The following HMCN1 variants were observed in gnomAD, a reference collection of about 807,000 sequenced individuals.
HMCN1 encodes hemicentin 1.
HMCN1 carries 321 observed loss-of-function variants against 625.9 expected under a neutral mutation model. The ratio of observed to expected loss-of-function variants is 0.51; its 90% confidence interval spans 0.47 to 0.56. HMCN1 has a LOEUF of 0.56. Among genes scored for constraint, HMCN1 ranks in the 20% least tolerant of loss-of-function variants. The pLI is 0.00. For synonymous variants in HMCN1, 2,425 were observed against 2,417.6 expected, an observed-to-expected ratio of 1.00 and a Z score of -0.09; for missense variants, 6,588 against 6,887.3, an observed-to-expected ratio of 0.96 and a Z score of 1.54.
intron 48 of HMCN1, among the ~76,000 whole-genome samples, chr1:186,064,062 C>G (rs1657951596): frequency 6.6e-6 from 1 of 152,022 alleles, no homozygotes; most frequent in Non-Finnish European, 1.5e-5. Context: ...GGGAATGTTT[C>G]TATTTTAAGA....
chr1:186,136,575 ACT>A, intron 86 of HMCN1, 91 bp from the exon 87 acceptor site: 3 of 1,157,278 alleles, frequency 2.6e-6, no homozygotes, highest in Non-Finnish European at 3.9e-6. Context: ...CAAATCAATC[ACT>A]TTTTTCAAAA....
At position 185,917,758 on chromosome 1, in the gene HMCN1, C is replaced by T. The variant is rs143348608; in HGVS notation, c.901-4621C>T. ...AGGCAGGCATTTAACAGGCCTTCTT[C>T]GCCTTTAAACTAAGAAGTAAATCCA... On this transcript the variant is annotated intron_variant, in intron 6 of 106. Coordinates refer to ENST00000271588, the MANE Select transcript of HMCN1 (RefSeq NM_031935.3). 4.7e-4 allele frequency among the ~76,000 whole-genome samples: 72 copies of T among 152,286 alleles called. 2 individuals carry two copies. In the East Asian group the frequency reaches 4.8e-3, roughly 10 times the overall value.
At chr1:185,993,490 A>G in intron 23 of HMCN1, 181 bp downstream of exon 23, 1 of 608,756 alleles carries the variant, frequency 1.6e-6, no homozygotes, top group Non-Finnish European at 2.8e-6. Flanking sequence ...CCTGCTATTT[A>G]TAAACAATCT....
chr1:186,152,944 C>T lies in HMCN1; in HGVS notation c.15018+73C>T, dbSNP rs1650768943. ...GAGTGAAAGGTCCATAGAATGAGCA[C>T]AGATAACTTGTTCACTCTGTGGGGG... On this transcript the variant is annotated intron_variant, in intron 96 of 106. Transcript: ENST00000271588. 7 of 1,566,348 alleles carry T rather than the reference C, an allele frequency of 4.5e-6. No homozygotes were observed. The Admixed American group carries it at 1.2e-4, about 26-fold the overall frequency.
intron 32 of HMCN1, 71 bp from the exon 33 acceptor site, chr1:186,016,892 A>G: frequency 8.2e-6 from 7 of 848,786 alleles, no homozygotes; most frequent in Non-Finnish European, 2.1e-6. Flanking sequence ...GCTATGTATT[A>G]TTGCTTCATA....
chr1:186,090,586 G>A (rs1051235981), intron 63 of HMCN1, among the ~76,000 whole-genome samples, 172 bp from the exon 64 acceptor site: 41 of 151,890 alleles, frequency 2.7e-4, no homozygotes, highest in African/African-American at 8.0e-4. Flanking sequence ...ATATTGAAGC[G>A]TTCCTTTATC....
At chr1:186,147,300 T>C (rs1478749985) in intron 93 of HMCN1, among the ~76,000 whole-genome samples, 2 of 152,140 alleles carry the variant, frequency 1.3e-5, no homozygotes, top group Non-Finnish European at 2.9e-5. Context: ...TAGTAGGTAG[T>C]AGTGCATTCC....
rs1362868721 is a variant in HMCN1, at chr1:186,119,222, C to T, written c.11880C>T (p.Asn3960=). Residue 3960 remains asparagine, a synonymous_variant, in exon 78 of 107, where the codon AAC becomes AAT. Coordinates refer to ENST00000271588, the MANE Select transcript of HMCN1 (RefSeq NM_031935.3). ...GAIEILATQL[N]HAGRYTCVAR... ...TTGAAATACTTGCCACCCAATTAAACCATGCTGGAAGATACACTTGTGTCG... is the reference window on the plus strand; with the variant it reads ...TTGAAATACTTGCCACCCAATTAAATCATGCTGGAAGATACACTTGTGTCG... The T allele has an allele frequency of 6.2e-7, 1 of 1,613,666 alleles. No homozygotes were observed. Among genetic ancestry groups the T allele is most frequent in the African/African-American group, 1.3e-5 (1 of 74,892 alleles).
At chr1:185,753,365 T>C (rs1654938263) in intron 1 of HMCN1, among the ~76,000 whole-genome samples, 1 of 152,122 alleles carries the variant, frequency 6.6e-6, no homozygotes, top group South Asian at 2.1e-4. Context: ...GTTTTTCTTA[T>C]GATTAGTCTA....
At chr1:186,003,693 T>A in intron 28 of HMCN1, 25 bp from the exon 29 acceptor site, 1 of 1,612,286 alleles carries the variant, frequency 6.2e-7, no homozygotes, top group Non-Finnish European at 8.5e-7. Context: ...TAACAGAGTT[T>A]CATAATACAC....
At position 185,981,001 on chromosome 1, in the gene HMCN1, A is replaced by G. The variant is rs1558114555; in HGVS notation, c.2590A>G (p.Thr864Ala). Residue 864 changes from threonine to alanine, a missense_variant, in exon 17 of 107, where the codon ACC becomes GCC. Transcript: ENST00000271588. Reference protein sequence around the residue: ...ILNLWASDKGTYICEAENQFG... With the variant: ...ILNLWASDKGAYICEAENQFG... ...AGACTTATGGGCAAGTGATAAAGGAACCTATATTTGTGAAGCTGAAAACCA... is the reference window on the plus strand; with the variant it reads ...AGACTTATGGGCAAGTGATAAAGGAGCCTATATTTGTGAAGCTGAAAACCA... The G allele has an allele frequency of 1.2e-6, 2 of 1,609,122 alleles. No individual in the cohort carries two copies. Among genetic ancestry groups the G allele is most frequent in the Admixed American group, 1.7e-5 (1 of 59,986 alleles).
chr1:185,989,790 T>C, intron 21 of HMCN1, 143 bp downstream of exon 21: 2 of 822,762 alleles, frequency 2.4e-6, no homozygotes, highest in Admixed American at 5.9e-5. Context: ...TTTTTTTTTT[T>C]TTTACAGAAA....
At chr1:186,134,934 C>G (rs1649502389) in intron 86 of HMCN1, among the ~76,000 whole-genome samples, 1 of 152,132 alleles carries the variant, frequency 6.6e-6, no homozygotes, top group Admixed American at 6.5e-5. Flanking sequence ...TGTTCACAAC[C>G]CTGTATGCTG....
At position 186,025,301 on chromosome 1, in the gene HMCN1, T is replaced by C. The variant is rs527787490; in HGVS notation, c.5749+2148T>C. 2.7e-4 allele frequency among the ~76,000 whole-genome samples: 41 copies of C among 152,266 alleles called. 1 individual carries two copies. The highest frequency in any genetic ancestry group is 2.4e-4 in the African/African-American group (10 of 41,550). ...ACTGGTATCAGTCTGTGGCCCAGGG[T>C]TGGGGACCCCTGCTGTATAATAAAG... On this transcript the variant is annotated intron_variant, in intron 36 of 106. Coordinates refer to ENST00000271588, the MANE Select transcript of HMCN1 (RefSeq NM_031935.3).
In HMCN1 at chr1:186,152,836, C is replaced by T. The variant is rs367731454; in HGVS notation, c.14983C>T (p.Leu4995=). The change falls in exon 96 of 107, where the codon CTA becomes TTA. Residue 4995 remains leucine (L), a synonymous_variant. Coordinates refer to ENST00000271588, the MANE Select transcript of HMCN1 (RefSeq NM_031935.3). The stretch of plus-strand genomic sequence containing the variant: ...AGATATCGTTGTGAGTGGCTATGTC[C>T]TACAGCTTCAGTCACCTGCTGAAGT... ...LLDIVVSGYV[L]QLQSPAEVTV... 4.3e-6 allele frequency: 7 copies of T among 1,613,854 alleles called. No individual in the cohort carries two copies. Among genetic ancestry groups the T allele is most frequent in the Non-Finnish European group, 5.9e-6 (7 of 1,179,904 alleles).
Position 185,902,405 on chromosome 1 carries a change from C to CTCTGTCTATCTA in HMCN1, c.622-6929_622-6928insGTCTATCTATCT, listed in dbSNP as rs1553256293. Among the ~76,000 whole-genome samples, 143 of 145,456 alleles carry CTCTGTCTATCTA rather than the reference C, an allele frequency of 9.8e-4. 2 individuals are homozygous for CTCTGTCTATCTA. Among genetic ancestry groups the CTCTGTCTATCTA allele is most frequent in the African/African-American group, 3.4e-3 (133 of 38,604 alleles). On this transcript the variant is annotated intron_variant, in intron 4 of 106. Coordinates refer to ENST00000271588, the MANE Select transcript of HMCN1 (RefSeq NM_031935.3). ...TCTATCTATCTATCTATCTATCTAT[C>CTCTGTCTATCTA]TCTATCTATCTATCTATCTATCTAT...
intron 36 of HMCN1, among the ~76,000 whole-genome samples, chr1:186,025,313 G>A (rs1654993904): frequency 1.3e-5 from 2 of 152,162 alleles, no homozygotes; most frequent in Non-Finnish European, 2.9e-5. Context: ...GGGGACCCCT[G>A]CTGTATAATA....
chr1:186,098,874 C>G (rs1660264938), intron 68 of HMCN1, among the ~76,000 whole-genome samples: 1 of 152,060 alleles, frequency 6.6e-6, no homozygotes, highest in African/African-American at 2.4e-5. Context: ...TCATTTATGA[C>G]AACATGGATG....
chr1:186,127,288 GA>G (rs1661695619), intron 82 of HMCN1, among the ~76,000 whole-genome samples: 1 of 152,054 alleles, frequency 6.6e-6, no homozygotes, highest in Non-Finnish European at 1.5e-5. Context: ...GAGTTTGTAA[GA>G]AAGTATCAGT....
Sources: gnomAD v4.1 joint callset for allele counts (sites outside exome capture counted in the v4.1 genomes callset) on GRCh38, gnomAD v4.1.1 for gene constraint, MANE v1.5 for transcripts, NCBI Gene and HGNC (gene_info 2026-07-23, HGNC 2026-07-21) for gene names.